The following AVEN variants were observed in gnomAD, a reference collection of about 807,000 sequenced individuals.
The protein encoded by AVEN is apoptosis and caspase activation inhibitor, also known as cell death regulator Aven.
In AVEN, 41 loss-of-function variants were observed where a neutral mutation model predicts 38.1. That is an observed-to-expected ratio of 1.08 (90% CI 0.84 to 1.40). The LOEUF is 1.40. AVEN is among the 40% of genes most tolerant of loss of function. The probability of loss-of-function intolerance (pLI) is 0.00; values close to 1 mark genes in which losing one functional copy is unlikely to be tolerated. For synonymous variants in AVEN, 206 were observed against 171.8 expected (o/e 1.20, Z -1.56); for missense variants, 605 against 438.8 (o/e 1.38, Z -3.38).
At chr15:34,018,036 T>A (rs944139678) in intron 1 of AVEN, among the ~76,000 whole-genome samples, 1 of 152,220 alleles carries the variant, frequency 6.6e-6, no homozygotes, top group Admixed American at 6.5e-5. Context: ...ATACTGACAA[T>A]GATACTAAAT....
At chr15:34,044,166 T>C (rs187369535), upstream of AVEN, among the ~76,000 whole-genome samples, 486 of 152,288 alleles carry the variant, frequency 3.2e-3, 3 homozygotes, top group African/African-American at 0.011. Context: ...CTCCTTTTTA[T>C]AGCAAAGTTC....
At chr15:33,855,084 T>A, downstream of AVEN, 1 of 520,914 alleles carries the variant, frequency 1.9e-6, no homozygotes, top group Non-Finnish European at 3.1e-6. Flanking sequence ...TGTAGCCAAT[T>A]AAAAATGTAA....
At chr15:33,954,897 C>A (rs1419129037) in intron 2 of AVEN, among the ~76,000 whole-genome samples, 1 of 152,124 alleles carries the variant, frequency 6.6e-6, no homozygotes, top group Admixed American at 6.5e-5. Context: ...TTTTCTCAAT[C>A]ATTAGATTTT....
intron 2 of AVEN, among the ~76,000 whole-genome samples, chr15:33,899,574 A>T (rs1451950963): frequency 7.0e-6 from 1 of 142,326 alleles, no homozygotes; most frequent in African/African-American, 2.7e-5. Context: ...GGTTCATGCC[A>T]TTCTCCTGCT....
chr15:34,041,317 G>C (rs966393350), upstream of AVEN, among the ~76,000 whole-genome samples: 2 of 152,040 alleles, frequency 1.3e-5, no homozygotes, highest in African/African-American at 4.8e-5. Flanking sequence ...GTACGTTTTA[G>C]TATCTAAGGA....
At chr15:34,003,871 C>A (rs996997157) in intron 1 of AVEN, among the ~76,000 whole-genome samples, 2 of 152,124 alleles carry the variant, frequency 1.3e-5, no homozygotes, top group African/African-American at 4.8e-5. Flanking sequence ...CATGTTATGA[C>A]CAGAACCATC....
chr15:34,031,611 G>C (rs557678747), intron 1 of AVEN, among the ~76,000 whole-genome samples: 187 of 152,322 alleles, frequency 1.2e-3, no homozygotes, highest in African/African-American at 4.4e-3. Flanking sequence ...TTTTACAACA[G>C]GGAATGCATT....
At chr15:33,912,382 G>A (rs1271618085) in intron 2 of AVEN, among the ~76,000 whole-genome samples, 1 of 152,202 alleles carries the variant, frequency 6.6e-6, no homozygotes, top group Non-Finnish European at 1.5e-5. Context: ...TTTAAACATG[G>A]AGACAAGTTC....
At chr15:33,924,017 TAATAGA>T (rs1169988183) in intron 2 of AVEN, among the ~76,000 whole-genome samples, 1 of 151,800 alleles carries the variant, frequency 6.6e-6, no homozygotes, top group Non-Finnish European at 1.5e-5. Context: ...AATGTAATAA[TAATAGA>T]AATAAAGTGC....
chr15:34,026,928 G>A (rs1272352578), intron 1 of AVEN, among the ~76,000 whole-genome samples: 1 of 152,140 alleles, frequency 6.6e-6, no homozygotes, highest in African/African-American at 2.4e-5. Flanking sequence ...AGAGTGACAT[G>A]ATGTGTTTTG....
downstream of AVEN, among the ~76,000 whole-genome samples, chr15:33,855,322 G>C (rs912970641): frequency 6.6e-6 from 1 of 152,160 alleles, no homozygotes; most frequent in African/African-American, 2.4e-5. Context: ...TCCTGCCTCA[G>C]CCTCCAGAGT....
chr15:33,913,619 C>T (rs989115731), intron 2 of AVEN, among the ~76,000 whole-genome samples: 8 of 152,158 alleles, frequency 5.3e-5, no homozygotes, highest in African/African-American at 1.7e-4. Context: ...GTAACTCATA[C>T]AAATTACCTT....
rs1567384680 is a variant in AVEN at position 33,867,792 on chromosome 15, C to CT, written c.675dup (p.Gly226ArgfsTer18). ...CCCAAGGGCCCCTTTAACTGCATCCCTAATCCCTTGCCATCATCAGTTCTC... is the reference window on the plus strand; with the variant it reads ...CCCAAGGGCCCCTTTAACTGCATCCCTTAATCCCTTGCCATCATCAGTTCTC... On this transcript the variant is annotated frameshift_variant, in exon 5 of 6. Transcript: ENST00000306730. LOFTEE classifies it high-confidence loss of function. The CT allele has an allele frequency of 8.7e-6, 14 of 1,613,390 alleles. No individual in the cohort carries two copies. Among genetic ancestry groups the CT allele is most frequent in the Non-Finnish European group, 1.2e-5 (14 of 1,179,744 alleles).
intron 5 of AVEN, among the ~76,000 whole-genome samples, chr15:34,055,780 G>T (rs549399615): frequency 6.6e-6 from 1 of 152,052 alleles, no homozygotes; most frequent in Non-Finnish European, 1.5e-5. Flanking sequence ...CAGCCTGGGC[G>T]ACGGAGCAAG....
chr15:33,948,707 C>T (rs1894602087), intron 2 of AVEN, among the ~76,000 whole-genome samples: 3 of 152,130 alleles, frequency 2.0e-5, no homozygotes, highest in Admixed American at 2.0e-4. Flanking sequence ...GAGTCTCACT[C>T]TGTCGCCCAG....
intron 11 of AVEN, among the ~76,000 whole-genome samples, chr15:33,860,315 A>C (rs2080205447): frequency 6.6e-6 from 1 of 152,154 alleles, no homozygotes; most frequent in East Asian, 1.9e-4. Flanking sequence ...CAAATAGCTA[A>C]GCAAAATAGG....
chr15:33,990,110 A>C (rs1439707642), intron 2 of AVEN, among the ~76,000 whole-genome samples: 1 of 152,070 alleles, frequency 6.6e-6, no homozygotes, highest in African/African-American at 2.4e-5. Context: ...AGGCTGAGGC[A>C]GGAGAATCAC....
chr15:33,975,237 C>T lies in AVEN; in HGVS notation c.445+27795G>A, dbSNP rs186640255. 2.0e-3 allele frequency among the ~76,000 whole-genome samples: 308 copies of T among 152,274 alleles called. 1 individual carries two copies. The highest frequency in any genetic ancestry group is 7.2e-3 in the African/African-American group (301 of 41,548). Reference sequence around the variant, plus strand: ...ATTGTTCTGCCATCTAGAGGATTCACAAAGATATTCTTCTCCATTTTAATG... The same window carrying T: ...ATTGTTCTGCCATCTAGAGGATTCATAAAGATATTCTTCTCCATTTTAATG... On this transcript the variant is annotated intron_variant, in intron 2 of 5. Transcript: ENST00000306730.
At chr15:34,005,055 A>T in intron 1 of AVEN, among the ~76,000 whole-genome samples, 1 of 152,120 alleles carries the variant, frequency 6.6e-6, no homozygotes, top group Non-Finnish European at 1.5e-5. Flanking sequence ...GCAAAACTAA[A>T]ATATATAAAA....
Sources: allele counts gnomAD v4.1 joint callset (sites outside exome capture counted in the v4.1 genomes callset), GRCh38; gene constraint gnomAD v4.1.1; transcripts MANE v1.5; gene names NCBI Gene and HGNC (gene_info 2026-07-23, HGNC 2026-07-21).